The following LARP4B variants were observed in gnomAD, a reference collection of about 807,000 sequenced individuals.
LARP4B encodes La ribonucleoprotein 4B.
Under a neutral mutation model 89.8 loss-of-function variants are expected in LARP4B, and 12 were observed. The observed-to-expected ratio is 0.13, with a 90% CI of 0.09 to 0.22. LARP4B has a LOEUF of 0.22. LARP4B is among the 10% of genes least tolerant of loss of function. LARP4B has a pLI of 1.00. For missense variants in LARP4B, 757 were observed against 947.7 expected, an observed-to-expected ratio of 0.80 and a Z score of 2.64; for synonymous variants, 367 against 363.3, an observed-to-expected ratio of 1.01 and a Z score of -0.12.
chr10:903,741 T>C (rs141990071), intron 1 of LARP4B, among the ~76,000 whole-genome samples: 16 of 152,332 alleles, frequency 1.1e-4, no homozygotes, highest in Middle Eastern at 3.4e-3. Context: ...TCATGTTCTA[T>C]TGAGCTTTCC....
the LARP4B span, among the ~76,000 whole-genome samples, chr10:947,631 TG>T: frequency 1.3e-5 from 2 of 152,222 alleles, no homozygotes; most frequent in Non-Finnish European, 2.9e-5. Flanking sequence ...TGTTTTGTTT[TG>T]TTTTTTGAGA....
intron 1 of LARP4B, among the ~76,000 whole-genome samples, chr10:903,864 G>A (rs980187637): frequency 2.6e-5 from 4 of 152,122 alleles, no homozygotes; most frequent in African/African-American, 9.7e-5. Context: ...GTCAGAGCTG[G>A]GAAGCAGCTC....
intron 12 of LARP4B, 24 bp from the exon 13 acceptor site, chr10:825,340 T>A: frequency 6.2e-7 from 1 of 1,609,308 alleles, no homozygotes; most frequent in South Asian, 1.1e-5. Context: ...TGGTTTTATG[T>A]GTTGAGTTAT....
chr10:903,733 A>G (rs1227162302), intron 1 of LARP4B, among the ~76,000 whole-genome samples: 1 of 152,236 alleles, frequency 6.6e-6, no homozygotes, highest in Admixed American at 6.5e-5. Context: ...AATACAGATC[A>G]TGTTCTATTG....
At chr10:946,272 A>C in the LARP4B span, among the ~76,000 whole-genome samples, 4 of 152,204 alleles carry the variant, frequency 2.6e-5, no homozygotes, top group Non-Finnish European at 5.9e-5. Flanking sequence ...AACATTTTGC[A>C]TTCTGTCTGA....
chr10:876,036 T>C (rs1358085311), intron 3 of LARP4B, among the ~76,000 whole-genome samples: 3 of 152,310 alleles, frequency 2.0e-5, no homozygotes, highest in Admixed American at 6.5e-5. Flanking sequence ...GCCCTGAGTG[T>C]TGAAAGTAAC....
intron 1 of LARP4B, among the ~76,000 whole-genome samples, chr10:914,977 T>G (rs1024681539): frequency 6.6e-6 from 1 of 152,186 alleles, no homozygotes; most frequent in Non-Finnish European, 1.5e-5. Flanking sequence ...TTGCTAAAAT[T>G]GAACATTAAT....
At chr10:891,040 CAACT>C (rs1836002646) in intron 1 of LARP4B, among the ~76,000 whole-genome samples, 1 of 151,652 alleles carries the variant, frequency 6.6e-6, no homozygotes, top group African/African-American at 2.4e-5. Flanking sequence ...AAATAAAAAT[CAACT>C]AAAATAACAC....
chr10:814,674 G>A lies in LARP4B; in HGVS notation c.1929+68C>T. 1 of 1,552,964 alleles carries A rather than the reference G, an allele frequency of 6.4e-7. No homozygotes were observed. Among genetic ancestry groups the A allele is most frequent in the Non-Finnish European group, 8.7e-7 (1 of 1,147,700 alleles). ...GATTAAAAAACGAGCAGGTGCAGGA[G>A]TGCGCAGCGTCTGTTCACACCAGAG... On this transcript the variant is annotated intron_variant, in intron 17 of 17. Coordinates refer to ENST00000316157, the MANE Select transcript of LARP4B (RefSeq NM_015155.3). This position sits in a 1 kb window ranked among gnomAD's most constrained non-coding sequence, Gnocchi z 4.4.
chr10:900,036 T>G (rs1836291343), intron 1 of LARP4B, among the ~76,000 whole-genome samples: 1 of 151,026 alleles, frequency 6.6e-6, no homozygotes, highest in Non-Finnish European at 1.5e-5. Context: ...TCACAGAAGC[T>G]AAATCAAATC....
intron 1 of LARP4B, among the ~76,000 whole-genome samples, chr10:887,784 G>T (rs866107108): frequency 6.6e-6 from 1 of 152,038 alleles, no homozygotes. Context: ...AGCACTCTGG[G>T]AGGCCGAGGA....
At chr10:870,354 C>T (rs1301544182) in intron 3 of LARP4B, among the ~76,000 whole-genome samples, 1 of 152,158 alleles carries the variant, frequency 6.6e-6, no homozygotes, top group Non-Finnish European at 1.5e-5. Context: ...TTTAGGACAC[C>T]TTCTGTGAGT....
chr10:857,029 TC>T (rs1171743877), intron 5 of LARP4B, among the ~76,000 whole-genome samples: 1 of 151,696 alleles, frequency 6.6e-6, no homozygotes, highest in Non-Finnish European at 1.5e-5. Flanking sequence ...ATGGAAGGCG[TC>T]CCCTGCCCAC....
chr10:870,091 C>CA (rs1835125275), intron 3 of LARP4B: 1 of 981,192 alleles, frequency 1.0e-6, no homozygotes, highest in Admixed American at 6.2e-5. Context: ...TTTCTGAAAA[C>CA]AAAGCAATTT....
intron 14 of LARP4B, 23 bp downstream of exon 14, chr10:820,777 A>C: frequency 6.3e-7 from 1 of 1,589,444 alleles, no homozygotes; most frequent in Non-Finnish European, 8.6e-7. Flanking sequence ...TCTTGTGAAG[A>C]GGTATATGCT....
chr10:943,492 C>T, the LARP4B span, among the ~76,000 whole-genome samples: 14 of 152,148 alleles, frequency 9.2e-5, no homozygotes, highest in East Asian at 2.3e-3. Flanking sequence ...TGCAGTGGTG[C>T]GATCATGGCT....
the LARP4B span, among the ~76,000 whole-genome samples, chr10:937,386 G>T: frequency 1.3e-5 from 2 of 152,114 alleles, no homozygotes; most frequent in African/African-American, 4.8e-5. Flanking sequence ...CCAGAATTCT[G>T]GCAGGAATCA....
intron 3 of LARP4B, among the ~76,000 whole-genome samples, chr10:883,145 A>G (rs536997966): frequency 6.6e-6 from 1 of 152,352 alleles, no homozygotes; most frequent in South Asian, 2.1e-4. Context: ...TTTATACTCA[A>G]GGGATATCTA....
Position 825,755 on chromosome 10 carries a change from G to C in LARP4B, c.1232+9C>G. On this transcript the variant is annotated intron_variant, in intron 12 of 17. Transcript: ENST00000316157. Reference sequence around the variant, plus strand: ...AGACCAAAACTGCTAAGACCGCCCCGGAACTTGCCTGCTTCGAGGAGGATA... The same window carrying C: ...AGACCAAAACTGCTAAGACCGCCCCCGAACTTGCCTGCTTCGAGGAGGATA... 1 of 1,606,414 alleles carries C rather than the reference G, an allele frequency of 6.2e-7. No individual in the cohort carries two copies. The highest frequency in any genetic ancestry group is 8.5e-7 in the Non-Finnish European group (1 of 1,173,784).
Sources: allele counts gnomAD v4.1 joint callset (sites outside exome capture counted in the v4.1 genomes callset), GRCh38; gene constraint gnomAD v4.1.1; non-coding constraint Gnocchi (gnomAD v3.1); transcripts MANE v1.5; gene names NCBI Gene and HGNC (gene_info 2026-07-23, HGNC 2026-07-21).